The following ANKRD1 variants were observed in gnomAD, a reference collection of about 807,000 sequenced individuals.
ANKRD1 encodes ankyrin repeat domain 1.
ANKRD1 carries 32 observed loss-of-function variants against 40.1 expected under a neutral mutation model. That is an observed-to-expected ratio of 0.80 (90% confidence interval 0.60 to 1.07). The LOEUF (loss-of-function observed/expected upper bound fraction) is 1.07, where lower values mean the gene tolerates loss of function less well. ANKRD1 is among the 50% of genes least tolerant of loss of function. The pLI is 0.00. For synonymous variants in ANKRD1, 149 were observed against 141.2 expected, an observed-to-expected ratio of 1.06 and a Z score of -0.39; for missense variants, 359 against 386.0, an observed-to-expected ratio of 0.93 and a Z score of 0.59.
At chr10:90,917,629 A>G (rs1330004428) in intron 5 of ANKRD1, 103 bp downstream of exon 5, 10 of 982,086 alleles carry the variant, frequency 1.0e-5, no homozygotes, top group South Asian at 6.9e-5. Flanking sequence ...GTTCTCTCAG[A>G]TCAATTTTCA....
Position 90,918,978 on chromosome 10 carries a change from G to T in ANKRD1, c.346-6C>A, listed in dbSNP as rs1256689497. On this transcript the variant is annotated splice_region_variant and splice_polypyrimidine_tract_variant and intron_variant, in intron 3 of 8. Coordinates refer to ENST00000371697, the MANE Select transcript of ANKRD1 (RefSeq NM_014391.3). ...GGCACATCCACAGGTTCCGTCTAAA[G>T]CCAAAATAAATAAATATATATATAT... is the stretch of plus-strand genomic sequence containing the variant. 7.3e-6 allele frequency: 11 copies of T among 1,497,214 alleles called. No individual in the cohort carries two copies. The highest frequency in any genetic ancestry group is 9.8e-6 in the Non-Finnish European group (11 of 1,121,516). 92.7% of individuals were successfully genotyped at this position (1,497,214 alleles called of 1,614,324 possible). A position where few individuals can be genotyped will look rare whatever the true frequency, so the allele number is the denominator to read the frequency against.
intron 5 of ANKRD1, among the ~76,000 whole-genome samples, chr10:90,917,466 C>T (rs1417071851): frequency 6.6e-6 from 1 of 152,200 alleles, no homozygotes; most frequent in East Asian, 1.9e-4. Flanking sequence ...ATGACTAACT[C>T]GCTGATGAGG....
chr10:90,921,032 G>T lies in ANKRD1; in HGVS notation c.-5C>A. 6.2e-7 allele frequency: 1 copy of T among 1,613,864 alleles called. No homozygotes were observed. The highest frequency in any genetic ancestry group is 8.5e-7 in the Non-Finnish European group (1 of 1,179,830). On this transcript the variant is annotated 5_prime_UTR_variant, in exon 1 of 9. Coordinates refer to ENST00000371697, the MANE Select transcript of ANKRD1 (RefSeq NM_014391.3). ...CTCTACTTTCAGTACCATCATGTTG[G>T]CTGAAGGAGTCTTGTATGTTTTTCT...
rs926377381 is a variant in ANKRD1 at position 90,919,078 on chromosome 10, C to G, written c.345+53G>C. 6.2e-6 allele frequency: 10 copies of G among 1,609,220 alleles called. No individual in the cohort carries two copies. In the African/African-American group the frequency reaches 1.1e-4, roughly 17 times the overall value. On this transcript the variant is annotated intron_variant, in intron 3 of 8. Coordinates refer to ENST00000371697, the MANE Select transcript of ANKRD1 (RefSeq NM_014391.3). ...AAACCCTCCACAGATATTTGCTCCC[C>G]TGTAGCACAACACTGGACATGTATT...
intron 2 of ANKRD1, 25 bp downstream of exon 2, chr10:90,920,144 A>G (rs913935650): frequency 1.2e-6 from 2 of 1,612,598 alleles, no homozygotes; most frequent in Non-Finnish European, 1.7e-6. Flanking sequence ...ACATCCTACT[A>G]GTGGATTCCA....
In ANKRD1 at chr10:90,912,774, A is replaced by G. The variant is rs2120259882; in HGVS notation, c.*92T>C. On this transcript the variant is annotated 3_prime_UTR_variant, in exon 9 of 9. Coordinates refer to ENST00000371697, the MANE Select transcript of ANKRD1 (RefSeq NM_014391.3). The stretch of plus-strand genomic sequence containing the variant: ...ACATCTTCACAACACGTTGATAAAT[A>G]GAAACTAGATTTTATGGCTAGTGTC... 5.0e-6 allele frequency: 6 copies of G among 1,198,752 alleles called. No homozygotes were observed. The highest frequency in any genetic ancestry group is 7.5e-6 in the Non-Finnish European group (6 of 802,902). The allele number at this position is 1,198,752 out of a possible 1,614,324, so 74.3% of individuals were successfully genotyped here.
In ANKRD1 at chr10:90,920,208, C is replaced by T. The variant is rs765567533; in HGVS notation, c.168G>A (p.Gly56=). Residue 56 remains glycine (G), a synonymous_variant, in exon 2 of 9, where the codon GGG becomes GGA. Transcript: ENST00000371697. ...KTLLAHPVTL[G]EQQWKSEKQR... ...GTTTCTCGCTTTTCCACTGTTGCTC[C>T]CCCAGGGTCACAGGGTGGGCTAGAA... The T allele has an allele frequency of 3.1e-6, 5 of 1,614,026 alleles. No individual in the cohort carries two copies. The highest frequency in any genetic ancestry group is 4.2e-6 in the Non-Finnish European group (5 of 1,180,008).
chr10:90,912,784 T>C lies in ANKRD1; in HGVS notation c.*82A>G. On this transcript the variant is annotated 3_prime_UTR_variant, in exon 9 of 9. Coordinates refer to ENST00000371697, the MANE Select transcript of ANKRD1 (RefSeq NM_014391.3). ...AACACGTTGATAAATAGAAACTAGA[T>C]TTTATGGCTAGTGTCTCTTCTCTTG... The C allele has an allele frequency of 1.6e-6, 2 of 1,280,486 alleles. No individual in the cohort carries two copies. The highest frequency in any genetic ancestry group is 2.3e-6 in the Non-Finnish European group (2 of 876,892). 79.3% of individuals were successfully genotyped at this position (1,280,486 alleles called of 1,614,324 possible).
intron 2 of ANKRD1, among the ~76,000 whole-genome samples, chr10:90,919,807 A>G (rs542920927): frequency 1.3e-5 from 2 of 152,374 alleles, no homozygotes; most frequent in East Asian, 1.9e-4. Context: ...GTGTCAACAC[A>G]GATAGCAGAC....
Position 90,920,268 on chromosome 10 carries a change from A to G in ANKRD1, c.108T>C (p.Ala36=), listed in dbSNP as rs145211719. ...EDFRDGEYEA[A]VTLEKQEDLK... ...GATCCTCCTGCTTCTCTAAAGTAACAGCAGCTTCATACTCTCCATCTCTGA... is the reference window on the plus strand; with the variant it reads ...GATCCTCCTGCTTCTCTAAAGTAACGGCAGCTTCATACTCTCCATCTCTGA... The change falls in exon 2 of 9, where the codon GCT becomes GCC. Residue 36 remains alanine, a synonymous_variant. Coordinates refer to ENST00000371697, the MANE Select transcript of ANKRD1 (RefSeq NM_014391.3). 178 of 1,614,032 alleles carry G rather than the reference A, an allele frequency of 1.1e-4. 2 individuals are homozygous for G. Among genetic ancestry groups the G allele is most frequent in the South Asian group, 1.5e-4 (14 of 91,086 alleles).
At chr10:90,915,424 C>T in intron 8 of ANKRD1, 119 bp downstream of exon 8, 1 of 848,294 alleles carries the variant, frequency 1.2e-6, no homozygotes, top group Non-Finnish European at 1.9e-6. Flanking sequence ...TGGGCAGGGG[C>T]ATTTAGACCA....
Position 90,920,245 on chromosome 10 carries a change from T to C in ANKRD1, c.131A>G (p.Asp44Gly), listed in dbSNP as rs749040843. ...AGGGTGGGCTAGAAGTGTCTTCAGA[T>C]CCTCCTGCTTCTCTAAAGTAACAGC... ...EAAVTLEKQE[D>G]LKTLLAHPVT... The change falls in exon 2 of 9, where the codon GAT becomes GGT. Residue 44 changes from aspartate (D) to glycine (G), a missense_variant. Transcript: ENST00000371697. 3.7e-6 allele frequency: 6 copies of C among 1,614,110 alleles called. No homozygotes were observed. In the Admixed American group the frequency reaches 1.0e-4, roughly 27 times the overall value.
At chr10:90,915,033 C>A (rs1357833329) in intron 8 of ANKRD1, among the ~76,000 whole-genome samples, 1 of 152,092 alleles carries the variant, frequency 6.6e-6, no homozygotes, top group Non-Finnish European at 1.5e-5. Flanking sequence ...AGCACAGCTA[C>A]CCCTGGAAGA....
At chr10:90,920,820 A>T (rs1180472986) in intron 1 of ANKRD1, among the ~76,000 whole-genome samples, 181 bp downstream of exon 1, 1 of 152,062 alleles carries the variant, frequency 6.6e-6, no homozygotes, top group African/African-American at 2.4e-5. Flanking sequence ...CAGAGAATTC[A>T]TTACTGGTAG....
chr10:90,920,961 A>T, intron 1 of ANKRD1, 40 bp downstream of exon 1: 1 of 1,593,428 alleles, frequency 6.3e-7, no homozygotes. Context: ...AACCAAGATG[A>T]ACCAGTTTTC....
In ANKRD1 at chr10:90,919,158, A is replaced by G. The variant is rs768982146; in HGVS notation, c.318T>C (p.Val106=). 3.1e-6 allele frequency: 5 copies of G among 1,613,126 alleles called. No homozygotes were observed. In the South Asian group the frequency reaches 3.3e-5, roughly 11 times the overall value. Reference sequence around the variant, plus strand: ...TGATTTCAGGTTCTGGTTCCTTTACAACTGGAACTTTAGTTTTCCTGTATT... The same window carrying G: ...TGATTTCAGGTTCTGGTTCCTTTACGACTGGAACTTTAGTTTTCCTGTATT... The part of the protein sequence containing the change: ...RKKYRKTKVP[V]VKEPEPEIIT... Residue 106 remains valine (V), a synonymous_variant, in exon 3 of 9, where the codon GTT becomes GTC. Coordinates refer to ENST00000371697, the MANE Select transcript of ANKRD1 (RefSeq NM_014391.3).
chr10:90,914,508 TA>T (rs969183786), intron 8 of ANKRD1, among the ~76,000 whole-genome samples: 82 of 152,196 alleles, frequency 5.4e-4, no homozygotes, highest in East Asian at 7.7e-4. Context: ...TCTGATAGTT[TA>T]AAAAAATATT....
chr10:90,914,114 C>A lies in ANKRD1; in HGVS notation c.850-1138G>T, dbSNP rs114637545. Among the ~76,000 whole-genome samples the A allele has an allele frequency of 7.0e-3, 1,058 of 152,228 alleles. 13 individuals are homozygous for A. The highest frequency in any genetic ancestry group is 0.024 in the African/African-American group (990 of 41,542). ...TGTAGTGTCTTTCTCTAGGAACAATCATCAGTAGACATGAATATACAGTTT... is the reference window on the plus strand; with the variant it reads ...TGTAGTGTCTTTCTCTAGGAACAATAATCAGTAGACATGAATATACAGTTT... On this transcript the variant is annotated intron_variant, in intron 8 of 8. Coordinates refer to ENST00000371697, the MANE Select transcript of ANKRD1 (RefSeq NM_014391.3).
At chr10:90,919,028 A>G (rs1589510248) in intron 3 of ANKRD1, 56 bp from the exon 4 acceptor site, 1 of 1,530,268 alleles carries the variant, frequency 6.5e-7, no homozygotes, top group South Asian at 1.2e-5. Flanking sequence ...CATGAGAGTT[A>G]CCGTGAGCTT....
Sources: allele counts gnomAD v4.1 joint callset (sites outside exome capture counted in the v4.1 genomes callset), GRCh38; gene constraint gnomAD v4.1.1; transcripts MANE v1.5; gene names NCBI Gene and HGNC (gene_info 2026-07-23, HGNC 2026-07-21).